The following MYO5B variants were observed in gnomAD, a reference collection of about 807,000 sequenced individuals.
MYO5B encodes unconventional myosin-Vb.
MYO5B carries 143 observed loss-of-function variants against 229.3 expected under a neutral mutation model. The ratio of observed to expected loss-of-function variants is 0.62; its 90% confidence interval spans 0.54 to 0.72. The LOEUF (loss-of-function observed/expected upper bound fraction) is 0.72. MYO5B is among the 30% of genes least tolerant of loss of function. MYO5B has a pLI of 0.00. For synonymous variants in MYO5B, 918 were observed against 885.2 expected, an observed-to-expected ratio of 1.04 and a Z score of -0.66; for missense variants, 2,321 against 2,331.0, an observed-to-expected ratio of 1.00 and a Z score of 0.09.
intron 3 of MYO5B, among the ~76,000 whole-genome samples, chr18:50,037,766 T>C (rs1180282337): frequency 6.6e-6 from 1 of 152,178 alleles, no homozygotes; most frequent in Non-Finnish European, 1.5e-5. Context: ...CATGGTGGCA[T>C]GGACCTGTAG....
intron 22 of MYO5B, among the ~76,000 whole-genome samples, chr18:49,893,218 C>A (rs1013969044): frequency 1.9e-4 from 29 of 152,166 alleles, no homozygotes; most frequent in African/African-American, 6.8e-4. Context: ...TAGGTGAGAC[C>A]TGATTTTGTG....
chr18:49,896,691 C>T (rs547751657), intron 21 of MYO5B, among the ~76,000 whole-genome samples: 58 of 152,266 alleles, frequency 3.8e-4, no homozygotes, highest in African/African-American at 1.3e-3. Context: ...ACATCCTATC[C>T]TGCTATTGAC....
intron 1 of MYO5B, among the ~76,000 whole-genome samples, chr18:50,056,180 G>A (rs866910112): frequency 2.4e-4 from 37 of 152,220 alleles, no homozygotes; most frequent in Admixed American, 9.8e-4. Flanking sequence ...AGTTCTGGCA[G>A]GAAAGAACAC....
chr18:50,064,710 A>C (rs2030776301), intron 1 of MYO5B, among the ~76,000 whole-genome samples: 2 of 152,220 alleles, frequency 1.3e-5, no homozygotes, highest in African/African-American at 4.8e-5. Flanking sequence ...CCAGAGAAAC[A>C]ACCTTAACAG....
intron 37 of MYO5B, among the ~76,000 whole-genome samples, chr18:49,837,115 T>C (rs1249167448): frequency 1.3e-5 from 2 of 152,206 alleles, no homozygotes; most frequent in Admixed American, 6.5e-5. Flanking sequence ...CTGAAGTGTC[T>C]ACATAAGTTA....
chr18:49,956,851 A>G (rs142450984), intron 12 of MYO5B, among the ~76,000 whole-genome samples: 136 of 152,238 alleles, frequency 8.9e-4, no homozygotes, highest in South Asian at 4.8e-3. Context: ...TCCCATCTGT[A>G]TTAAATGCCC....
chr18:50,173,065 A>T (rs1472980351), intron 1 of MYO5B, among the ~76,000 whole-genome samples: 1 of 152,126 alleles, frequency 6.6e-6, no homozygotes, highest in Non-Finnish European at 1.5e-5. Flanking sequence ...GGAGTTCAAG[A>T]CCAGCCTGGC....
chr18:50,163,103 A>C (rs2032794249), intron 1 of MYO5B, among the ~76,000 whole-genome samples: 1 of 152,196 alleles, frequency 6.6e-6, no homozygotes, highest in South Asian at 2.1e-4. Context: ...ATGAATTGCT[A>C]CCAAGGTTGC....
chr18:50,070,931 T>C (rs1264141660), intron 1 of MYO5B, among the ~76,000 whole-genome samples: 1 of 152,082 alleles, frequency 6.6e-6, no homozygotes, highest in African/African-American at 2.4e-5. Context: ...CAGCCTCCTC[T>C]GGCCTCAGCC....
At chr18:49,867,162 G>C (rs1443870370) in intron 27 of MYO5B, among the ~76,000 whole-genome samples, 3 of 152,192 alleles carry the variant, frequency 2.0e-5, no homozygotes, top group African/African-American at 7.2e-5. Flanking sequence ...TGGGCCACCT[G>C]GCTGGAGTAT....
chr18:49,885,559 C>A (rs535738885), intron 22 of MYO5B, among the ~76,000 whole-genome samples: 46 of 152,174 alleles, frequency 3.0e-4, no homozygotes, highest in Non-Finnish European at 1.5e-4. Flanking sequence ...ACGTTCATTT[C>A]CTCCAAATGC....
intron 17 of MYO5B, among the ~76,000 whole-genome samples, chr18:49,923,950 C>T (rs1027251774): frequency 2.0e-5 from 3 of 152,144 alleles, no homozygotes; most frequent in African/African-American, 7.2e-5. Context: ...GGTCTCTCTG[C>T]TCACCTCCAG....
At chr18:50,148,576 A>T (rs2032542940) in intron 1 of MYO5B, among the ~76,000 whole-genome samples, 2 of 152,260 alleles carry the variant, frequency 1.3e-5, no homozygotes, top group Admixed American at 6.5e-5. Flanking sequence ...AGAACCAAAG[A>T]CAAAAATCAC....
At chr18:49,872,372 TC>T in intron 26 of MYO5B, 140 bp from the exon 27 acceptor site, 1 of 823,884 alleles carries the variant, frequency 1.2e-6, no homozygotes, top group Non-Finnish European at 2.1e-6. Context: ...TCCACTTCCT[TC>T]CCACCTTCAA....
intron 4 of MYO5B, among the ~76,000 whole-genome samples, chr18:50,019,132 T>C (rs1163571781): frequency 3.3e-5 from 5 of 152,194 alleles, no homozygotes; most frequent in African/African-American, 7.2e-5. Context: ...TGAAACCTCA[T>C]TGACATTTGA....
intron 27 of MYO5B, among the ~76,000 whole-genome samples, chr18:49,865,935 C>G (rs1598842863): frequency 6.6e-6 from 1 of 152,170 alleles, no homozygotes. Flanking sequence ...CCACACATAA[C>G]CTCTCCTCTC....
intron 1 of MYO5B, among the ~76,000 whole-genome samples, chr18:50,105,576 G>A (rs1383734568): frequency 1.3e-5 from 2 of 152,110 alleles, no homozygotes; most frequent in East Asian, 3.9e-4. Context: ...TGGAGGACAG[G>A]TCAGTGGTTG....
chr18:49,828,865 G>A (rs1013599199), intron 39 of MYO5B, among the ~76,000 whole-genome samples: 7 of 151,708 alleles, frequency 4.6e-5, no homozygotes, highest in African/African-American at 1.5e-4. Context: ...CTTATGGGAT[G>A]GGATAAACAT....
chr18:50,193,250 A>T (rs1197248986), intron 1 of MYO5B, among the ~76,000 whole-genome samples: 2 of 152,194 alleles, frequency 1.3e-5, no homozygotes, highest in African/African-American at 4.8e-5. Context: ...GGACTGTCAC[A>T]GAGTTCACGC....
Sources: gnomAD v4.1 joint callset for allele counts (sites outside exome capture counted in the v4.1 genomes callset) on GRCh38, gnomAD v4.1.1 for gene constraint, MANE v1.5 for transcripts, NCBI Gene and HGNC (gene_info 2026-07-23, HGNC 2026-07-21) for gene names.